IPO5: variants seen among roughly 807,000 people sequenced by gnomAD.
The protein encoded by IPO5 is importin 5.
A neutral mutation model predicts 143.3 loss-of-function variants in IPO5; 18 were observed. That is an observed-to-expected ratio of 0.13 (90% confidence interval 0.09 to 0.19). The LOEUF is 0.19. Among genes scored for constraint, IPO5 ranks in the 10% least tolerant of loss-of-function variants. The pLI is 1.00. For synonymous variants in IPO5, 477 were observed against 465.7 expected (o/e 1.02, Z -0.31); for missense variants, 1,013 against 1,336.9 (o/e 0.76, Z 3.78).
intron 26 of IPO5, 114 bp from the exon 27 acceptor site, chr13:98,019,467 C>A: frequency 1.3e-6 from 1 of 750,194 alleles, no homozygotes; most frequent in Non-Finnish European, 2.2e-6. Context: ...ACTTCCCATA[C>A]ACTTTAACAT....
chr13:97,976,438 C>G (rs1044368308), intron 3 of IPO5: 1 of 151,346 alleles, frequency 6.6e-6, no homozygotes, highest in Non-Finnish European at 1.5e-5. Flanking sequence ...CCCGAGGAGG[C>G]GTCCTCGGCC....
At chr13:97,977,251 C>T (rs1035384841) in intron 4 of IPO5, among the ~76,000 whole-genome samples, 1 of 152,220 alleles carries the variant, frequency 6.6e-6, no homozygotes, top group Non-Finnish European at 1.5e-5. Flanking sequence ...GCTTCTACCC[C>T]TGCTCATCTC....
At chr13:98,013,765 TG>T (rs1416710907) in intron 21 of IPO5, among the ~76,000 whole-genome samples, 1 of 152,210 alleles carries the variant, frequency 6.6e-6, no homozygotes, top group African/African-American at 2.4e-5. Context: ...GGCATGCTAA[TG>T]GTCATGGGTC....
At chr13:97,974,167 A>C (rs909682685) in intron 3 of IPO5, among the ~76,000 whole-genome samples, 1 of 152,190 alleles carries the variant, frequency 6.6e-6, no homozygotes, top group African/African-American at 2.4e-5. Flanking sequence ...TAACCTACAG[A>C]CTCATTGCCA....
Position 98,022,027 on chromosome 13 carries a change from T to G in IPO5, c.*205T>G, listed in dbSNP as rs914054008. 4 of 402,090 alleles carry G rather than the reference T, an allele frequency of 9.9e-6. No homozygotes were observed. The highest frequency in any genetic ancestry group is 1.8e-5 in the Non-Finnish European group (4 of 223,188). 24.9% of individuals were successfully genotyped at this position (402,090 alleles called of 1,614,324 possible). A position where few individuals can be genotyped will look rare whatever the true frequency, so the allele number is the denominator to read the frequency against. Reference sequence around the variant, plus strand: ...TCTACCAGACCACTGAAGGAGTTCCTGGAAGCCCTGCGGTAGCTAGCACTG... The same window carrying G: ...TCTACCAGACCACTGAAGGAGTTCCGGGAAGCCCTGCGGTAGCTAGCACTG... On this transcript the variant is annotated 3_prime_UTR_variant, in exon 29 of 29. Transcript: ENST00000651721.
At chr13:97,976,290 C>G (rs1886294181) in intron 3 of IPO5, among the ~76,000 whole-genome samples, 1 of 151,712 alleles carries the variant, frequency 6.6e-6, no homozygotes, top group Non-Finnish European at 1.5e-5. Context: ...CGACCTCGAC[C>G]TCAACCCCGA....
intron 11 of IPO5, among the ~76,000 whole-genome samples, chr13:97,996,761 C>G (rs1888326558): frequency 6.6e-6 from 1 of 152,110 alleles, no homozygotes; most frequent in Non-Finnish European, 1.5e-5. Flanking sequence ...CGCCACCACA[C>G]CCGGCTAATT....
chr13:97,988,755 T>G (rs1409000624), intron 6 of IPO5, among the ~76,000 whole-genome samples: 1 of 152,134 alleles, frequency 6.6e-6, no homozygotes, highest in Non-Finnish European at 1.5e-5. Flanking sequence ...GCCATTGCAC[T>G]CCAGCCTGGG....
At chr13:97,954,854 T>C (rs768145166) in intron 2 of IPO5, among the ~76,000 whole-genome samples, 1 of 152,208 alleles carries the variant, frequency 6.6e-6, no homozygotes, top group Non-Finnish European at 1.5e-5. Context: ...CTAACTAGTA[T>C]GCGAGACAGA....
chr13:97,969,306 C>T (rs961282869), intron 2 of IPO5, among the ~76,000 whole-genome samples: 9 of 150,200 alleles, frequency 6.0e-5, no homozygotes, highest in Non-Finnish European at 1.2e-4. Flanking sequence ...TTCAGCCTCC[C>T]GAGTAGCTGG....
chr13:97,995,875 T>A (rs1449723016), intron 11 of IPO5, among the ~76,000 whole-genome samples: 2 of 152,182 alleles, frequency 1.3e-5, no homozygotes, highest in African/African-American at 4.8e-5. Flanking sequence ...TTACAAGTAA[T>A]GCTTAATAGT....
chr13:98,010,621 C>T (rs1371504127), intron 20 of IPO5, among the ~76,000 whole-genome samples: 2 of 151,854 alleles, frequency 1.3e-5, no homozygotes, highest in African/African-American at 4.8e-5. Context: ...TGAAACAAAA[C>T]TTGTATGATT....
intron 3 of IPO5, 141 bp from the exon 4 acceptor site, chr13:97,976,552 G>C (rs1594043657): frequency 1.5e-5 from 2 of 132,978 alleles, no homozygotes; most frequent in Non-Finnish European, 3.1e-5. Context: ...CCTTTGCCCC[G>C]CCCTTCCCGC....
intron 5 of IPO5, among the ~76,000 whole-genome samples, chr13:97,983,871 A>G (rs1282849903): frequency 6.7e-6 from 1 of 149,646 alleles, no homozygotes; most frequent in African/African-American, 2.5e-5. Context: ...TTTTTTTTCT[A>G]GATGACAAGA....
At chr13:97,990,047 T>G (rs954657921) in intron 7 of IPO5, 79 bp from the exon 8 acceptor site, 5 of 837,670 alleles carry the variant, frequency 6.0e-6, no homozygotes, top group Non-Finnish European at 6.0e-6. Flanking sequence ...AACAAACAGT[T>G]CATTAGAGAT....
Position 97,996,795 on chromosome 13 carries a change from T to C in IPO5, c.914-736T>C, listed in dbSNP as rs146262979. Among the ~76,000 whole-genome samples the C allele has an allele frequency of 3.2e-3, 489 of 152,164 alleles. 2 individuals are homozygous for C. The highest frequency in any genetic ancestry group is 0.011 in the African/African-American group (467 of 41,548). ...TTTTTTTGTTTTTGGGGTTTCACCATGTTAGCCAGGATGGTCTCGATCTTC... is the reference window on the plus strand; with the variant it reads ...TTTTTTTGTTTTTGGGGTTTCACCACGTTAGCCAGGATGGTCTCGATCTTC... On this transcript the variant is annotated intron_variant, in intron 11 of 28. Transcript: ENST00000651721.
chr13:97,979,660 T>G (rs1291934809), intron 4 of IPO5, among the ~76,000 whole-genome samples: 1 of 152,220 alleles, frequency 6.6e-6, no homozygotes, highest in Non-Finnish European at 1.5e-5. Context: ...AGGTTCTCCA[T>G]ACAGAATTTG....
chr13:97,990,194 A>G lies in IPO5; in HGVS notation c.536A>G (p.Gln179Arg). ...YLDVIKRMLV[Q>R]CMQDQEHPSI... The stretch of plus-strand genomic sequence containing the variant: ...GATGTCATCAAACGAATGTTAGTTC[A>G]GTGTATGCAAGATCAGGAACACCCG... The change falls in exon 8 of 29, where the codon CAG becomes CGG. Residue 179 changes from glutamine (Q) to arginine (R), a missense_variant. Physicochemically the swap from Gln to Arg is conservative, Grantham distance 43 (BLOSUM62 1). Coordinates refer to ENST00000651721, the MANE Select transcript of IPO5 (RefSeq NM_002271.6). The G allele has an allele frequency of 1.9e-6, 3 of 1,611,196 alleles. No individual in the cohort carries two copies. Among genetic ancestry groups the G allele is most frequent in the Non-Finnish European group, 2.5e-6 (3 of 1,177,502 alleles).
intron 12 of IPO5, 65 bp from the exon 13 acceptor site, chr13:98,000,474 G>A: frequency 2.0e-6 from 2 of 991,924 alleles, no homozygotes; most frequent in South Asian, 2.6e-5. Context: ...AAGTATGTCT[G>A]TAGAGTATAC....
Sources: allele counts gnomAD v4.1 joint callset (sites outside exome capture counted in the v4.1 genomes callset), GRCh38; gene constraint gnomAD v4.1.1; transcripts MANE v1.5; gene names NCBI Gene and HGNC (gene_info 2026-07-23, HGNC 2026-07-21).